The following SHTN1 variants were observed in gnomAD, a reference collection of about 807,000 sequenced individuals.
SHTN1 encodes the protein shootin-1.
SHTN1 carries 42 observed loss-of-function variants against 83.1 expected under a neutral mutation model. The observed-to-expected ratio is 0.51, with a 90% CI of 0.39 to 0.65. The LOEUF is 0.65. Ranked by LOEUF, SHTN1 falls within the 30% of genes least tolerant of loss-of-function variation. The pLI, the probability that SHTN1 is intolerant of heterozygous loss-of-function variation, is 0.00. For missense variants in SHTN1, 622 were observed against 737.8 expected, an observed-to-expected ratio of 0.84 and a Z score of 1.82; for synonymous variants, 224 against 247.7, an observed-to-expected ratio of 0.90 and a Z score of 0.90.
chr10:117,112,171 G>A (rs1221026369), intron 1 of SHTN1, among the ~76,000 whole-genome samples: 1 of 152,078 alleles, frequency 6.6e-6, no homozygotes, highest in Non-Finnish European at 1.5e-5. Flanking sequence ...TTGCCATGTT[G>A]CTCAGGCTGG....
intron 1 of SHTN1, among the ~76,000 whole-genome samples, chr10:117,101,069 A>T (rs144706975): frequency 4.6e-5 from 7 of 152,254 alleles, no homozygotes; most frequent in African/African-American, 1.7e-4. Flanking sequence ...AATCCAATTT[A>T]TACTTTAAGC....
intron 1 of SHTN1, among the ~76,000 whole-genome samples, chr10:117,084,697 A>G (rs1406706280): frequency 1.3e-5 from 2 of 150,522 alleles, no homozygotes; most frequent in African/African-American, 4.9e-5. Flanking sequence ...AGACTCCGTG[A>G]GGTAGGACCC....
intron 1 of SHTN1, among the ~76,000 whole-genome samples, chr10:117,086,182 T>G (rs535873131): frequency 3.9e-5 from 6 of 152,174 alleles, no homozygotes; most frequent in Non-Finnish European, 8.8e-5. Flanking sequence ...CCTCCCAAAG[T>G]GCTGGGATTA....
Position 116,895,975 on chromosome 10 carries a change from A to G in SHTN1, c.1673+5790T>C, listed in dbSNP as rs988924406. ...CACAGAAGCAAATTCCAAAACCCTC[A>G]ATCCCCAAACTGGAAGCTGGTTCCA... On this transcript the variant is annotated intron_variant, in intron 16 of 16. Coordinates refer to ENST00000355371, the MANE Select transcript of SHTN1 (RefSeq NM_001127211.3). Among the ~76,000 whole-genome samples, 5 of 152,284 alleles carry G rather than the reference A, an allele frequency of 3.3e-5. No homozygotes were observed. The South Asian group carries it at 1.0e-3, about 32-fold the overall frequency.
At chr10:117,089,193 A>T (rs1017498223) in intron 1 of SHTN1, among the ~76,000 whole-genome samples, 1 of 152,212 alleles carries the variant, frequency 6.6e-6, no homozygotes, top group African/African-American at 2.4e-5. Flanking sequence ...GCACAAGGGA[A>T]TTTTGAGGGT....
intron 2 of SHTN1, among the ~76,000 whole-genome samples, chr10:116,970,377 G>A (rs1295883177): frequency 7.9e-5 from 12 of 152,106 alleles, no homozygotes. Flanking sequence ...ATACTACAGA[G>A]CAGTGAAAAT....
At chr10:117,109,146 T>C (rs1366771880) in intron 1 of SHTN1, among the ~76,000 whole-genome samples, 2 of 152,160 alleles carry the variant, frequency 1.3e-5, no homozygotes, top group Non-Finnish European at 2.9e-5. Flanking sequence ...TGAACAACCT[T>C]TGGAAAATAC....
At chr10:116,947,659 A>G (rs1187994677) in intron 7 of SHTN1, among the ~76,000 whole-genome samples, 4 of 152,200 alleles carry the variant, frequency 2.6e-5, no homozygotes, top group Non-Finnish European at 5.9e-5. Flanking sequence ...CCAGAACACT[A>G]TAATAAAAAG....
chr10:116,968,748 A>G, intron 2 of SHTN1, 36 bp from the exon 3 acceptor site: 2 of 1,545,940 alleles, frequency 1.3e-6, no homozygotes, highest in South Asian at 1.1e-5. Context: ...TTAAACTTCA[A>G]TCATAAATTT....
intron 2 of SHTN1, among the ~76,000 whole-genome samples, chr10:117,027,317 G>A (rs1191914540): frequency 6.6e-6 from 1 of 152,130 alleles, no homozygotes; most frequent in Non-Finnish European, 1.5e-5. Flanking sequence ...TTAAAAGAGT[G>A]TGGCACTTCC....
intron 7 of SHTN1, among the ~76,000 whole-genome samples, chr10:116,946,303 T>C (rs1266897124): frequency 3.4e-5 from 5 of 148,356 alleles, no homozygotes; most frequent in East Asian, 2.0e-4. Context: ...TGCTTATCTC[T>C]GGATTGTAAA....
chr10:116,988,936 T>A (rs1171424361), intron 1 of SHTN1, among the ~76,000 whole-genome samples: 1 of 152,152 alleles, frequency 6.6e-6, no homozygotes, highest in Non-Finnish European at 1.5e-5. Flanking sequence ...GAGGCAAAGC[T>A]TAGCTGTGCA....
intron 9 of SHTN1, among the ~76,000 whole-genome samples, chr10:116,939,813 G>A (rs1184819160): frequency 6.6e-6 from 1 of 152,128 alleles, no homozygotes; most frequent in Non-Finnish European, 1.5e-5. Context: ...AAACATTGAT[G>A]TAATTTTTCT....
chr10:117,076,447 C>T (rs1369173244), intron 1 of SHTN1, among the ~76,000 whole-genome samples: 2 of 152,132 alleles, frequency 1.3e-5, no homozygotes, highest in African/African-American at 4.8e-5. Flanking sequence ...CCATCATTCA[C>T]TTATCTCTAT....
intron 5 of SHTN1, 50 bp downstream of exon 5, chr10:116,953,992 T>C (rs1849884237): frequency 1.4e-6 from 2 of 1,462,396 alleles, no homozygotes; most frequent in Non-Finnish European, 1.9e-6. Context: ...TCAGAAGCAC[T>C]ATCATAACGG....
At chr10:117,027,349 G>T (rs1852346540) in intron 2 of SHTN1, among the ~76,000 whole-genome samples, 1 of 152,074 alleles carries the variant, frequency 6.6e-6, no homozygotes, top group African/African-American at 2.4e-5. Flanking sequence ...TGCTCCTGCT[G>T]TGGCCACAGG....
chr10:116,899,550 AGAGT>A (rs988617732), intron 16 of SHTN1, among the ~76,000 whole-genome samples: 1 of 45,028 alleles, frequency 2.2e-5, no homozygotes, highest in African/African-American at 5.4e-5. Flanking sequence ...TGTGTGTGAG[AGAGT>A]GCATGCATAC....
intron 9 of SHTN1, among the ~76,000 whole-genome samples, chr10:116,932,116 C>T (rs1166725042): frequency 4.6e-5 from 7 of 152,168 alleles, no homozygotes; most frequent in Non-Finnish European, 8.8e-5. Flanking sequence ...TAATAAGATA[C>T]TCTCTCAACA....
chr10:117,095,246 G>A (rs1853488536), intron 1 of SHTN1, among the ~76,000 whole-genome samples: 1 of 152,148 alleles, frequency 6.6e-6, no homozygotes, highest in African/African-American at 2.4e-5. Context: ...CCACACACCT[G>A]CATTTCATAC....
Sources: gnomAD v4.1 joint callset for allele counts (sites outside exome capture counted in the v4.1 genomes callset) on GRCh38, gnomAD v4.1.1 for gene constraint, MANE v1.5 for transcripts, NCBI Gene and HGNC (gene_info 2026-07-23, HGNC 2026-07-21) for gene names.